The following CBFA2T2 variants were observed in gnomAD, a reference collection of about 807,000 sequenced individuals.
CBFA2T2 encodes the protein CBFA2/RUNX1 partner transcriptional co-repressor 2.
CBFA2T2 carries 11 observed loss-of-function variants against 62.2 expected under a neutral mutation model. The observed-to-expected ratio is 0.18, with a 90% CI of 0.11 to 0.29. The LOEUF is 0.29. Ranked by LOEUF, CBFA2T2 falls within the 10% of genes least tolerant of loss-of-function variation. The pLI is 1.00. For missense variants in CBFA2T2, 592 were observed against 774.1 expected (o/e 0.76, Z 2.79); for synonymous variants, 295 against 287.5 (o/e 1.03, Z -0.27).
chr20:33,502,959 CG>C (rs1226835683), intron 1 of CBFA2T2, among the ~76,000 whole-genome samples: 1 of 149,828 alleles, frequency 6.7e-6, no homozygotes, highest in African/African-American at 2.4e-5. Context: ...GGCTTGGTGG[CG>C]GGCATCTGTA....
chr20:33,621,753 T>C (rs2015996480), intron 4 of CBFA2T2, among the ~76,000 whole-genome samples: 2 of 152,220 alleles, frequency 1.3e-5, no homozygotes, highest in African/African-American at 4.8e-5. Context: ...ATACCAGTTT[T>C]TTAAAACCTT....
chr20:33,551,800 G>A (rs1392072072), intron 1 of CBFA2T2, among the ~76,000 whole-genome samples: 1 of 152,186 alleles, frequency 6.6e-6, no homozygotes, highest in African/African-American at 2.4e-5. Flanking sequence ...CCAAAGTGCT[G>A]GGATTACAGG....
At chr20:33,496,832 T>C (rs2011204552) in intron 1 of CBFA2T2, among the ~76,000 whole-genome samples, 1 of 152,168 alleles carries the variant, frequency 6.6e-6, no homozygotes, top group Non-Finnish European at 1.5e-5. Context: ...CCCTATCCTG[T>C]GCCCTGGGAA....
In CBFA2T2 at chr20:33,625,037, T is replaced by C. The variant is rs1231134296; in HGVS notation, c.946+20T>C. On this transcript the variant is annotated intron_variant, in intron 6 of 10. Coordinates refer to ENST00000342704, the MANE Select transcript of CBFA2T2 (RefSeq NM_001032999.3). The stretch of plus-strand genomic sequence containing the variant: ...GTCTTGGTAAGCAACCGAAGCAGCA[T>C]GGTAAATTCAGACTGGATTCTTGGA... 1 of 1,599,996 alleles carries C rather than the reference T, an allele frequency of 6.3e-7. No individual in the cohort carries two copies. The highest frequency in any genetic ancestry group is 1.3e-5 in the African/African-American group (1 of 74,792).
chr20:33,631,930 G>A (rs1055284578), intron 8 of CBFA2T2, among the ~76,000 whole-genome samples: 9 of 152,210 alleles, frequency 5.9e-5, no homozygotes, highest in African/African-American at 2.2e-4. Flanking sequence ...TATGCAAAAT[G>A]TGAACCAAAA....
At chr20:33,532,908 CTG>C (rs1417802009) in intron 1 of CBFA2T2, among the ~76,000 whole-genome samples, 2 of 152,178 alleles carry the variant, frequency 1.3e-5, no homozygotes, top group Non-Finnish European at 2.9e-5. Context: ...TGATTCCTCT[CTG>C]TGTTTTGGAA....
intron 1 of CBFA2T2, among the ~76,000 whole-genome samples, chr20:33,590,000 C>G (rs2014544146): frequency 6.6e-6 from 1 of 151,952 alleles, no homozygotes; most frequent in African/African-American, 2.4e-5. Context: ...CGCCTGTAAT[C>G]TCAGTGCTTT....
At chr20:33,548,233 GTTTTTATTTTTATTT>G (rs1331092048) in intron 1 of CBFA2T2, among the ~76,000 whole-genome samples, 1 of 151,490 alleles carries the variant, frequency 6.6e-6, no homozygotes, top group Non-Finnish European at 1.5e-5. Flanking sequence ...AGTACTGGGA[GTTTTTATTTTTATTT>G]TTTTTATTTT....
intron 3 of CBFA2T2, among the ~76,000 whole-genome samples, chr20:33,619,153 T>C (rs1326107995): frequency 5.9e-5 from 9 of 152,198 alleles, no homozygotes; most frequent in Admixed American, 2.0e-4. Context: ...GGGAGGAAGA[T>C]AGCTTGAGCT....
intron 1 of CBFA2T2, among the ~76,000 whole-genome samples, chr20:33,594,876 T>A (rs1160310758): frequency 1.3e-5 from 2 of 152,218 alleles, no homozygotes; most frequent in Non-Finnish European, 2.9e-5. Flanking sequence ...TAATCAAATT[T>A]AATTTAAGTC....
chr20:33,550,093 A>G (rs140702617), intron 1 of CBFA2T2, among the ~76,000 whole-genome samples: 179 of 152,284 alleles, frequency 1.2e-3, no homozygotes, highest in African/African-American at 4.1e-3. Flanking sequence ...ATAGATTTTA[A>G]TAACTTAACA....
intron 1 of CBFA2T2, among the ~76,000 whole-genome samples, chr20:33,534,257 G>T (rs1432081877): frequency 1.3e-5 from 2 of 152,092 alleles, no homozygotes; most frequent in African/African-American, 4.8e-5. Flanking sequence ...CTTCTTTGGT[G>T]AAATGTCTGT....
intron 3 of CBFA2T2, chr20:33,618,639 GTTTT>G (rs1006814806): frequency 6.6e-6 from 1 of 150,828 alleles, no homozygotes; most frequent in Non-Finnish European, 1.5e-5. Context: ...GCTTCTGGTG[GTTTT>G]TGTTTGTTTG....
At chr20:33,643,690 G>A (rs2016931378) in intron 10 of CBFA2T2, among the ~76,000 whole-genome samples, 1 of 139,424 alleles carries the variant, frequency 7.2e-6, no homozygotes, top group Admixed American at 7.4e-5. Flanking sequence ...GCTGAGACAG[G>A]CAGATCACTT....
In CBFA2T2 at chr20:33,564,325, C is replaced by A. The variant is rs529760531; in HGVS notation, c.35-42631C>A. On this transcript the variant is annotated intron_variant, in intron 1 of 10. Coordinates refer to ENST00000342704, the MANE Select transcript of CBFA2T2 (RefSeq NM_001032999.3). The stretch of plus-strand genomic sequence containing the variant: ...GTCGCGCAGGTGGAGTGCAGTGGCG[C>A]GGTCTCGGCTCACTGCAACCTCCAC... Among the ~76,000 whole-genome samples the A allele has an allele frequency of 4.7e-5, 7 of 149,688 alleles. No individual in the cohort carries two copies. The East Asian group carries it at 1.4e-3, about 29-fold the overall frequency.
chr20:33,588,413 ATG>A (rs1023142994), intron 1 of CBFA2T2, among the ~76,000 whole-genome samples: 2 of 151,440 alleles, frequency 1.3e-5, no homozygotes, highest in Admixed American at 6.6e-5. Context: ...ACAAATATAT[ATG>A]TTAATGTAGC....
At chr20:33,501,162 G>A (rs1261446098) in intron 1 of CBFA2T2, among the ~76,000 whole-genome samples, 1 of 152,180 alleles carries the variant, frequency 6.6e-6, no homozygotes, top group Non-Finnish European at 1.5e-5. Context: ...TTTGGAGTTG[G>A]CTAGACCTTT....
At chr20:33,609,837 G>A (rs1384482867) in intron 2 of CBFA2T2, among the ~76,000 whole-genome samples, 1 of 152,124 alleles carries the variant, frequency 6.6e-6, no homozygotes, top group Non-Finnish European at 1.5e-5. Context: ...TTAAATGATT[G>A]GCTCTTTAAA....
intron 1 of CBFA2T2, among the ~76,000 whole-genome samples, chr20:33,537,688 GA>G (rs1381321495): frequency 1.3e-5 from 2 of 152,086 alleles, no homozygotes; most frequent in Non-Finnish European, 2.9e-5. Context: ...AGATATTAAG[GA>G]TCCAAGTTCA....
Sources: gnomAD v4.1 joint callset for allele counts (sites outside exome capture counted in the v4.1 genomes callset) on GRCh38, gnomAD v4.1.1 for gene constraint, MANE v1.5 for transcripts, NCBI Gene and HGNC (gene_info 2026-07-23, HGNC 2026-07-21) for gene names.